Variants in NR3C1 observed in about 807,000 individuals in gnomAD.
The protein encoded by NR3C1 is glucocorticoid receptor.
A neutral mutation model predicts 74.0 loss-of-function variants in NR3C1; 14 were observed. The ratio of observed to expected loss-of-function variants is 0.19; its 90% CI spans 0.12 to 0.30. The LOEUF is 0.30. Ranked by LOEUF, NR3C1 falls within the 10% of genes least tolerant of loss-of-function variation. The pLI, the probability that NR3C1 is intolerant of heterozygous loss-of-function variation, is 1.00. For missense variants in NR3C1, 695 were observed against 909.8 expected, an observed-to-expected ratio of 0.76 and a Z score of 3.04; for synonymous variants, 308 against 332.5, an observed-to-expected ratio of 0.93 and a Z score of 0.80.
intron 7 of NR3C1, among the ~76,000 whole-genome samples, chr5:143,285,545 G>A (rs1204139110): frequency 2.0e-5 from 3 of 152,182 alleles, no homozygotes; most frequent in East Asian, 1.9e-4. Flanking sequence ...CATTTAGGAG[G>A]ATTAAGTCAT....
rs1488725906 is a variant in NR3C1, at chr5:143,279,346, A to ATGG, written c.*2542_*2543insCCA. ...ATTGAGTTCTATTTTTTGAGCGCCA[A>ATGG]GATTGTTGGGATGAAAATCAGATTA... On this transcript the variant is annotated 3_prime_UTR_variant, in exon 9 of 9. Transcript: ENST00000394464. 1.3e-6 allele frequency: 2 copies of ATGG among 1,549,256 alleles called. No individual in the cohort carries two copies. Among genetic ancestry groups the ATGG allele is most frequent in the Non-Finnish European group, 1.7e-6 (2 of 1,147,342 alleles).
At chr5:143,404,146 G>A (rs1840874544), upstream of NR3C1, 1 of 985,428 alleles carries the variant, frequency 1.0e-6, no homozygotes, top group Non-Finnish European at 1.2e-6. Flanking sequence ...GCGGGTGACA[G>A]CGGGCGGGCC....
rs1039616290 is a variant in NR3C1, at chr5:143,280,336, GAT to G, written c.*1551_*1552del. 1 of 152,456 alleles carries G rather than the reference GAT, an allele frequency of 6.6e-6. No individual in the cohort carries two copies. The highest frequency in any genetic ancestry group is 1.5e-5 in the Non-Finnish European group (1 of 68,026). 9.4% of individuals were successfully genotyped at this position (152,456 alleles called of 1,614,324 possible). ...TTCCCAGATTAGTGAATACCAATAT[GAT>G]ATATATCTGAAACTATAACTAAATA... On this transcript the variant is annotated 3_prime_UTR_variant, in exon 9 of 9. Transcript: ENST00000394464.
intron 2 of NR3C1, among the ~76,000 whole-genome samples, chr5:143,397,726 G>T (rs1839486782): frequency 6.6e-6 from 1 of 151,748 alleles, no homozygotes; most frequent in Admixed American, 6.6e-5. Context: ...TCATTGCCTT[G>T]CCTACTACCT....
In NR3C1 at chr5:143,306,874, A is replaced by ATTTT. The variant is rs70991802; in HGVS notation, c.1468+3219_1468+3222dup. On this transcript the variant is annotated intron_variant, in intron 4 of 8. Coordinates refer to ENST00000394464, the MANE Select transcript of NR3C1 (RefSeq NM_000176.3). ...ACTGCAGCCTAAATTGTATGCTTAAATTTTTTTTTTTTTTTTTTTTTTTTT... is the reference window on the plus strand; with the variant it reads ...ACTGCAGCCTAAATTGTATGCTTAAATTTTTTTTTTTTTTTTTTTTTTTTTTTTT... Among the ~76,000 whole-genome samples the ATTTT allele has an allele frequency of 1.4e-3, 118 of 82,894 alleles. 11 individuals carry two copies. Among genetic ancestry groups the ATTTT allele is most frequent in the African/African-American group, 5.4e-3 (107 of 19,644 alleles). 54.4% of individuals were successfully genotyped at this position (82,894 alleles called of 152,430 possible). A position where few individuals can be genotyped will look rare whatever the true frequency, so the allele number is the denominator to read the frequency against.
chr5:143,346,028 T>C (rs1314256756), intron 2 of NR3C1, among the ~76,000 whole-genome samples: 1 of 152,208 alleles, frequency 6.6e-6, no homozygotes, highest in Non-Finnish European at 1.5e-5. Flanking sequence ...CCATTCCAGA[T>C]GGCAGGCTCT....
Position 143,300,915 on chromosome 5 carries a change from G to A in NR3C1, c.1469-152C>T. 1 of 926,100 alleles carries A rather than the reference G, an allele frequency of 1.1e-6. No homozygotes were observed. The highest frequency in any genetic ancestry group is 1.6e-6 in the Non-Finnish European group (1 of 645,120). 57.4% of individuals were successfully genotyped at this position (926,100 alleles called of 1,614,324 possible). A position where few individuals can be genotyped will look rare whatever the true frequency, so the allele number is the denominator to read the frequency against. On this transcript the variant is annotated intron_variant, in intron 4 of 8. Coordinates refer to ENST00000394464, the MANE Select transcript of NR3C1 (RefSeq NM_000176.3). This position sits in a 1 kb window ranked among gnomAD's most constrained non-coding sequence, Gnocchi z 5.2. ...TATGATAAAGTGACATGGAAAAGGA[G>A]AAAAAACTTTTTTTTTTCTGAAAGC...
At chr5:143,307,218 T>C (rs1819831225) in intron 4 of NR3C1, among the ~76,000 whole-genome samples, 1 of 152,174 alleles carries the variant, frequency 6.6e-6, no homozygotes, top group African/African-American at 2.4e-5. Flanking sequence ...TTTATTCATG[T>C]AAGAAAAATT....
At chr5:143,357,613 A>C (rs1831396892) in intron 2 of NR3C1, among the ~76,000 whole-genome samples, 1 of 152,322 alleles carries the variant, frequency 6.6e-6, no homozygotes, top group African/African-American at 2.4e-5. Flanking sequence ...CAGTTTCCAC[A>C]CTTAAAAAAT....
At chr5:143,426,778 C>T (rs1011344697) in intron 1 of NR3C1, among the ~76,000 whole-genome samples, 3 of 152,286 alleles carry the variant, frequency 2.0e-5, no homozygotes, top group African/African-American at 7.2e-5. Flanking sequence ...GAAATATGTA[C>T]GAATTCTTGT....
intron 1 of NR3C1, among the ~76,000 whole-genome samples, chr5:143,429,597 C>A (rs941954011): frequency 6.6e-6 from 1 of 152,094 alleles, no homozygotes; most frequent in Non-Finnish European, 1.5e-5. Flanking sequence ...ACCTGGTGGG[C>A]ACTAAATCAG....
intron 8 of NR3C1, 39 bp downstream of exon 8, chr5:143,282,529 C>A: frequency 6.2e-7 from 1 of 1,612,036 alleles, no homozygotes; most frequent in South Asian, 1.1e-5. Context: ...TACTTTGTCC[C>A]AGAAAACTCT....
intron 2 of NR3C1, among the ~76,000 whole-genome samples, chr5:143,375,111 C>A (rs781226930): frequency 6.6e-6 from 1 of 152,126 alleles, no homozygotes; most frequent in Non-Finnish European, 1.5e-5. Context: ...CTCACTCTTT[C>A]GGCTGAGAAA....
chr5:143,364,362 A>G (rs1276795566), intron 2 of NR3C1, among the ~76,000 whole-genome samples: 1 of 152,262 alleles, frequency 6.6e-6, no homozygotes, highest in Non-Finnish European at 1.5e-5. Flanking sequence ...GTCCATCATT[A>G]GCATATCTCC....
Position 143,403,334 on chromosome 5 carries a change from A to G in NR3C1, c.-137T>C, listed in dbSNP as rs188891206. The stretch of plus-strand genomic sequence containing the variant: ...TATATTTTTTTTTTCTAAAAAAAGG[A>G]AGTAAACAGCCGCCCCTTTCTCCAT... On this transcript the variant is annotated 5_prime_UTR_variant, in exon 1 of 9. Transcript: ENST00000394464. The G allele has an allele frequency of 4.1e-6, 4 of 985,302 alleles. No individual in the cohort carries two copies. The African/African-American group carries it at 7.0e-5, about 17-fold the overall frequency. 61.0% of individuals were successfully genotyped at this position (985,302 alleles called of 1,614,324 possible).
At chr5:143,297,075 CAAAAAAAAA>C (rs766243522) in intron 6 of NR3C1, among the ~76,000 whole-genome samples, 2 of 60,630 alleles carry the variant, frequency 3.3e-5, no homozygotes, top group East Asian at 5.0e-4. Context: ...AGACTCGTCT[CAAAAAAAAA>C]AAAAAAAAAA....
At chr5:143,294,862 A>G in intron 7 of NR3C1, 1 of 885,620 alleles carries the variant, frequency 1.1e-6, no homozygotes, top group Non-Finnish European at 1.4e-6. Flanking sequence ...ATCTGGATGT[A>G]TCATAGTTTA....
chr5:143,382,684 T>C (rs1219483159), intron 2 of NR3C1, among the ~76,000 whole-genome samples: 1 of 152,248 alleles, frequency 6.6e-6, no homozygotes, highest in Non-Finnish European at 1.5e-5. Context: ...TTACTCACAA[T>C]ACTGGACCTA....
At chr5:143,424,234 TAAA>T (rs894819924) in intron 1 of NR3C1, among the ~76,000 whole-genome samples, 1 of 60,598 alleles carries the variant, frequency 1.7e-5, no homozygotes, top group Non-Finnish European at 3.0e-5. Context: ...AAATAAAAAA[TAAA>T]AAAGAGGGGT....
Sources: gnomAD v4.1 joint callset for allele counts (sites outside exome capture counted in the v4.1 genomes callset) on GRCh38, gnomAD v4.1.1 for gene constraint, Gnocchi (gnomAD v3.1) non-coding constraint, MANE v1.5 for transcripts, NCBI Gene and HGNC (gene_info 2026-07-23, HGNC 2026-07-21) for gene names.